Variants in BBS9 observed in about 807,000 individuals in gnomAD.
BBS9 encodes the protein Bardet-Biedl syndrome 9, also known as protein PTHB1.
Under a neutral mutation model 117.7 loss-of-function variants are expected in BBS9, and 89 were observed. That is an observed-to-expected ratio of 0.76 (90% confidence interval 0.64 to 0.90). The LOEUF is 0.90. Ranked by LOEUF, BBS9 falls within the 40% of genes least tolerant of loss-of-function variation. The probability of loss-of-function intolerance (pLI) is 0.00; values close to 1 mark genes in which losing one functional copy is unlikely to be tolerated. For synonymous variants in BBS9, 379 were observed against 370.9 expected, an observed-to-expected ratio of 1.02 and a Z score of -0.25; for missense variants, 982 against 1,042.2, an observed-to-expected ratio of 0.94 and a Z score of 0.80.
chr7:33,140,398 C>CTTTCCTG (rs1482242397), intron 1 of BBS9, among the ~76,000 whole-genome samples: 1 of 152,168 alleles, frequency 6.6e-6, no homozygotes, highest in Non-Finnish European at 1.5e-5. Context: ...TCAGATATCC[C>CTTTCCTG]ATCATGCACC....
intron 4 of BBS9, among the ~76,000 whole-genome samples, chr7:33,159,442 T>G (rs1490249672): frequency 1.3e-5 from 2 of 152,192 alleles, no homozygotes; most frequent in Non-Finnish European, 2.9e-5. Flanking sequence ...CTAGGAGCTT[T>G]GTGTTTCCTT....
intron 11 of BBS9, among the ~76,000 whole-genome samples, chr7:33,342,006 G>C (rs1427910646): frequency 6.6e-6 from 1 of 151,986 alleles, no homozygotes; most frequent in Admixed American, 6.6e-5. Context: ...TAGGGAAGTG[G>C]TTGAATTCAC....
chr7:33,462,286 T>A (rs1421785800), intron 19 of BBS9, among the ~76,000 whole-genome samples: 1 of 152,104 alleles, frequency 6.6e-6, no homozygotes, highest in Non-Finnish European at 1.5e-5. Context: ...TATATTTACA[T>A]TTGAAGTTGG....
intron 5 of BBS9, among the ~76,000 whole-genome samples, chr7:33,247,595 T>C (rs1229548782): frequency 6.6e-6 from 1 of 152,210 alleles, no homozygotes; most frequent in African/African-American, 2.4e-5. Flanking sequence ...CTTTTAATCA[T>C]CCTTCCATAG....
At position 33,279,531 on chromosome 7, in the gene BBS9, C is replaced by A. The variant is rs1019641314; in HGVS notation, c.1016+5575C>A. Among the ~76,000 whole-genome samples the A allele has an allele frequency of 2.6e-5, 4 of 152,154 alleles. No homozygotes were observed. In the East Asian group the frequency reaches 7.7e-4, roughly 29 times the overall value. On this transcript the variant is annotated intron_variant, in intron 9 of 22. Transcript: ENST00000242067. ...AAGTTGCTGCTTTTTAAATACGTTT[C>A]TTTTCAGTGAATAAGAAATGTTGGA... is the stretch of plus-strand genomic sequence containing the variant.
rs140047826 is a variant in BBS9, at chr7:33,192,892, C to T, written c.442+15301C>T. Reference sequence around the variant, plus strand: ...TTCTTTCACAAGGCACTAATCCATTCGTGAGGGTGAAGCTCTCATTACTTA... The same window carrying T: ...TTCTTTCACAAGGCACTAATCCATTTGTGAGGGTGAAGCTCTCATTACTTA... On this transcript the variant is annotated intron_variant, in intron 5 of 22. Transcript: ENST00000242067. Among the ~76,000 whole-genome samples, 861 of 152,306 alleles carry T rather than the reference C, an allele frequency of 5.7e-3. 3 individuals are homozygous for T. The highest frequency in any genetic ancestry group is 9.0e-3 in the Non-Finnish European group (612 of 68,020).
intron 9 of BBS9, among the ~76,000 whole-genome samples, chr7:33,315,027 C>CAA (rs1810180925): frequency 6.6e-6 from 1 of 152,152 alleles, no homozygotes; most frequent in Admixed American, 6.5e-5. Context: ...GGTCATGATT[C>CAA]TATGGGTTAA....
rs753240417 is a variant in BBS9 at position 33,505,547 on chromosome 7, G to C, written c.2200G>C (p.Val734Leu). ...CAGGCTGAAGAGTGCCACCCATTTG[G>C]TGATTCTGCTGATCGCGCTGTGGCA... ...FTRLKSATHL[V>L]ILLIALWQKL... The change falls in exon 20 of 23, where the codon GTG (valine) becomes CTG (leucine). Residue 734 changes from valine to leucine, a missense_variant. Physicochemically the swap from Val to Leu is conservative, Grantham distance 32. Coordinates refer to ENST00000242067, the MANE Select transcript of BBS9 (RefSeq NM_198428.3). 1 of 1,614,044 alleles carries C rather than the reference G, an allele frequency of 6.2e-7. No homozygotes were observed. Among genetic ancestry groups the C allele is most frequent in the African/African-American group, 1.3e-5 (1 of 74,946 alleles).
rs555141387 is a variant in BBS9, at chr7:33,335,927, G to A, written c.1017-514G>A. Among the ~76,000 whole-genome samples, 20 of 152,232 alleles carry A rather than the reference G, an allele frequency of 1.3e-4. No homozygotes were observed. In the East Asian group the frequency reaches 1.5e-3, roughly 12 times the overall value. On this transcript the variant is annotated intron_variant, in intron 9 of 22. Transcript: ENST00000242067. ...GGAAAAGGATGAGGAAAGACCGGGG[G>A]CACTTTTTTTTTCGCAAGACCTCCG...
At chr7:33,565,844 T>TTATATATATATA (rs1554539789) in intron 21 of BBS9, among the ~76,000 whole-genome samples, 2 of 80,042 alleles carry the variant, frequency 2.5e-5, no homozygotes, top group Non-Finnish European at 4.6e-5. Flanking sequence ...TATATACTGC[T>TTATATATATATA]TATATATATA....
intron 19 of BBS9, among the ~76,000 whole-genome samples, chr7:33,404,417 C>G (rs1485099481): frequency 1.3e-5 from 2 of 152,032 alleles, no homozygotes; most frequent in African/African-American, 2.4e-5. Flanking sequence ...GGCATTGAAT[C>G]TATAAATTAC....
At chr7:33,574,704 C>CACAT (rs1554543994) in intron 21 of BBS9, among the ~76,000 whole-genome samples, 31 of 141,514 alleles carry the variant, frequency 2.2e-4, no homozygotes, top group South Asian at 1.4e-3. Context: ...CACACACACA[C>CACAT]ACACACACAC....
At chr7:33,485,777 A>C (rs1469361570) in intron 19 of BBS9, among the ~76,000 whole-genome samples, 1 of 152,242 alleles carries the variant, frequency 6.6e-6, no homozygotes, top group Non-Finnish European at 1.5e-5. Flanking sequence ...CAAATCCAAA[A>C]TTAAATAATT....
intron 1 of BBS9, among the ~76,000 whole-genome samples, chr7:33,142,632 G>A (rs1333825898): frequency 6.6e-6 from 1 of 152,060 alleles, no homozygotes; most frequent in Non-Finnish European, 1.5e-5. Flanking sequence ...CATTCTTAAT[G>A]TTTCTGTGAC....
At chr7:33,529,510 A>G (rs1029123009) in intron 20 of BBS9, among the ~76,000 whole-genome samples, 1 of 151,980 alleles carries the variant, frequency 6.6e-6, no homozygotes, top group African/African-American at 2.4e-5. Flanking sequence ...ACAAAACCCA[A>G]TGGATAAGTT....
intron 21 of BBS9, among the ~76,000 whole-genome samples, chr7:33,573,572 A>G (rs1202719806): frequency 6.6e-6 from 1 of 152,116 alleles, no homozygotes; most frequent in Admixed American, 6.6e-5. Flanking sequence ...AGTAGTTTCA[A>G]CTGTTTTGCT....
intron 19 of BBS9, among the ~76,000 whole-genome samples, chr7:33,450,696 C>A (rs1341478019): frequency 6.6e-6 from 1 of 152,050 alleles, no homozygotes; most frequent in East Asian, 1.9e-4. Flanking sequence ...TATTCAAATT[C>A]TTTGCTCATT....
intron 21 of BBS9, among the ~76,000 whole-genome samples, chr7:33,615,675 T>G (rs970362749): frequency 2.0e-5 from 3 of 152,056 alleles, no homozygotes; most frequent in African/African-American, 7.2e-5. Context: ...CTGAGAATGT[T>G]TTCAAATTAA....
rs1043764459 is a variant in BBS9, at chr7:33,295,271, T to G, written c.1016+21315T>G. ...ATATTTTTCTCCTGTGTCATTTTCT[T>G]AATGGTATTTATACACAATTTTTGG... On this transcript the variant is annotated intron_variant, in intron 9 of 22. Coordinates refer to ENST00000242067, the MANE Select transcript of BBS9 (RefSeq NM_198428.3). Among the ~76,000 whole-genome samples, 12 of 152,260 alleles carry G rather than the reference T, an allele frequency of 7.9e-5. 1 individual carries two copies. The highest frequency in any genetic ancestry group is 7.2e-4 in the Admixed American group (11 of 15,298).
Sources: allele counts gnomAD v4.1 joint callset (sites outside exome capture counted in the v4.1 genomes callset), GRCh38; gene constraint gnomAD v4.1.1; transcripts MANE v1.5; gene names NCBI Gene and HGNC (gene_info 2026-07-23, HGNC 2026-07-21).